The following ZSWIM9 variants were observed in gnomAD, a reference collection of about 807,000 sequenced individuals.
ZSWIM9 encodes zinc finger SWIM-type containing 9.
In ZSWIM9, 11 loss-of-function variants were observed where a neutral mutation model predicts 25.0. The ratio of observed to expected loss-of-function variants is 0.44; its 90% confidence interval spans 0.28 to 0.73. The LOEUF (loss-of-function observed/expected upper bound fraction) is 0.73. ZSWIM9 is among the 30% of genes least tolerant of loss of function. The pLI, the probability that ZSWIM9 is intolerant of heterozygous loss-of-function variation, is 0.16. For synonymous variants in ZSWIM9, 562 were observed against 582.1 expected (o/e 0.97, Z 0.50); for missense variants, 1,070 against 1,296.5 (o/e 0.83, Z 2.68).
Position 48,182,801 on chromosome 19 carries a change from G to A in ZSWIM9, c.588+34G>A, listed in dbSNP as rs576711100. ...TCGAGAGAGGCAGGCCGGGGGAGGG[G>A]GCGGGGGAAAGCCGCGCTGAAGACT... On this transcript the variant is annotated intron_variant, in intron 3 of 3. Transcript: ENST00000614654. The surrounding 1 kb of genome is among the most constrained non-coding windows in gnomAD (Gnocchi z 4.6). 10 of 1,485,008 alleles carry A rather than the reference G, an allele frequency of 6.7e-6. No homozygotes were observed. The East Asian group carries it at 2.5e-4, about 37-fold the overall frequency. 92.0% of individuals were successfully genotyped at this position (1,485,008 alleles called of 1,614,324 possible).
At position 48,195,288 on chromosome 19, in the gene ZSWIM9, C is replaced by T; in HGVS notation, c.1224C>T (p.Gly408=). Residue 408 remains glycine (G), a synonymous_variant, in exon 4 of 4, where the codon GGC becomes GGT. Coordinates refer to ENST00000614654, the MANE Select transcript of ZSWIM9 (RefSeq NM_199341.4). This position sits in a 1 kb window ranked among gnomAD's most constrained non-coding sequence, Gnocchi z 5.8. ...RDLDACALVR[G]HRRRLLRRLS... ...TGGACGCGTGTGCCCTGGTGCGAGG[C>T]CACCGCCGGCGACTGCTGCGTCGTC... 7.2e-6 allele frequency: 11 copies of T among 1,529,750 alleles called. No homozygotes were observed. The highest frequency in any genetic ancestry group is 9.6e-6 in the Non-Finnish European group (11 of 1,144,014). 94.8% of individuals were successfully genotyped at this position (1,529,750 alleles called of 1,614,324 possible).
At chr19:48,180,975 CAG>C (rs1444892746) in intron 2 of ZSWIM9, 5 of 150,726 alleles carry the variant, frequency 3.3e-5, no homozygotes, top group African/African-American at 1.2e-4. Flanking sequence ...TTAGTAGAGA[CAG>C]GGTTTCACCA....
rs1386225007 is a variant in ZSWIM9 at position 48,196,299 on chromosome 19, C to G, written c.2235C>G (p.Ala745=). 7 of 1,233,494 alleles carry G rather than the reference C, an allele frequency of 5.7e-6. No homozygotes were observed. The East Asian group carries it at 2.2e-4, about 39-fold the overall frequency. 76.4% of individuals were successfully genotyped at this position (1,233,494 alleles called of 1,614,324 possible). The part of the protein sequence containing the change: ...GARSVGPKSR[A]GRGMEWGDAG... ...GGTCCGTGGGCCCCAAGAGCCGAGCCGGACGAGGGATGGAGTGGGGAGACG... is the reference window on the plus strand; with the variant it reads ...GGTCCGTGGGCCCCAAGAGCCGAGCGGGACGAGGGATGGAGTGGGGAGACG... Residue 745 remains alanine (A), a synonymous_variant, in exon 4 of 4, where the codon GCC becomes GCG. Coordinates refer to ENST00000614654, the MANE Select transcript of ZSWIM9 (RefSeq NM_199341.4).
intron 2 of ZSWIM9, among the ~76,000 whole-genome samples, chr19:48,175,770 G>C (rs2036886499): frequency 6.6e-6 from 1 of 152,164 alleles, no homozygotes; most frequent in Admixed American, 6.5e-5. Flanking sequence ...AGTCACCACT[G>C]CTGCAGCTTC....
intron 2 of ZSWIM9, 44 bp downstream of exon 2, chr19:48,172,121 ACC>A: frequency 1.8e-6 from 1 of 545,800 alleles, no homozygotes; most frequent in Non-Finnish European, 3.1e-6. Flanking sequence ...GAAGGGGAGC[ACC>A]GGGGGTGGGT....
chr19:48,196,370 C>T lies in ZSWIM9; in HGVS notation c.2306C>T (p.Thr769Ile), dbSNP rs953384219. 5.7e-6 allele frequency: 7 copies of T among 1,232,328 alleles called. No homozygotes were observed. In the Admixed American group the frequency reaches 2.5e-4, roughly 45 times the overall value. The allele number at this position is 1,232,328 out of a possible 1,614,324, so 76.3% of individuals were successfully genotyped here. Residue 769 changes from threonine (T) to isoleucine (I), a missense_variant, in exon 4 of 4, where the codon ACC becomes ATC. By Grantham distance (89) the Thr-to-Ile change is moderately conservative. Around this residue, in one of 4 missense-constraint regions of ZSWIM9, gnomAD observed 583 missense variants for 624.7 expected, o/e 0.93. Coordinates refer to ENST00000614654, the MANE Select transcript of ZSWIM9 (RefSeq NM_199341.4). Reference protein sequence around the residue: ...LGLGNGVVSGTPVGTVLEGSP... With the variant: ...LGLGNGVVSGIPVGTVLEGSP... The stretch of plus-strand genomic sequence containing the variant: ...CTGGGGAATGGAGTCGTGTCTGGCA[C>T]CCCGGTGGGGACTGTATTGGAAGGC...
At chr19:48,172,168 G>C in intron 2 of ZSWIM9, 91 bp downstream of exon 2, 1 of 1,304,162 alleles carries the variant, frequency 7.7e-7, no homozygotes, top group Non-Finnish European at 1.0e-6. Context: ...ACCCCACCCA[G>C]AGATGCAGAG....
At chr19:48,172,419 C>T (rs973561146) in intron 2 of ZSWIM9, among the ~76,000 whole-genome samples, 6 of 151,836 alleles carry the variant, frequency 4.0e-5, no homozygotes, top group Non-Finnish European at 5.9e-5. Flanking sequence ...GTGATTCTCC[C>T]GCCTCAGCCT....
chr19:48,171,396 G>A, intron 1 of ZSWIM9: 1 of 985,234 alleles, frequency 1.0e-6, no homozygotes, highest in Non-Finnish European at 1.2e-6. Context: ...TTACTCTTGG[G>A]TGAGAGACAC....
rs1361203094 is a variant in ZSWIM9, at chr19:48,171,764, T to C, written c.-9-30T>C. 2.0e-6 allele frequency: 3 copies of C among 1,509,438 alleles called. No homozygotes were observed. In the East Asian group the frequency reaches 7.4e-5, roughly 37 times the overall value. 93.5% of individuals were successfully genotyped at this position (1,509,438 alleles called of 1,614,324 possible). ...ATACCCCGGGTGGGAATGGGTCTGA[T>C]ATCCACCTGTTCTCCCCTCCTCCAC... On this transcript the variant is annotated intron_variant, in intron 1 of 3. Coordinates refer to ENST00000614654, the MANE Select transcript of ZSWIM9 (RefSeq NM_199341.4).
chr19:48,196,481 CAA>C lies in ZSWIM9; in HGVS notation c.2419_2420del (p.Lys807GlufsTer33). 2 of 1,232,506 alleles carry C rather than the reference CAA, an allele frequency of 1.6e-6. No individual in the cohort carries two copies. The highest frequency in any genetic ancestry group is 2.0e-6 in the Non-Finnish European group (2 of 988,376). The allele number at this position is 1,232,506 out of a possible 1,614,324, so 76.3% of individuals were successfully genotyped here. A position where few individuals can be genotyped will look rare whatever the true frequency, so the allele number is the denominator to read the frequency against. ...GGAGGCGAAGATGGCCCCAGGGAAC[CAA>C]AGAGGCTTTGCCGACCCCCGGGAGA... On this transcript the variant is annotated frameshift_variant, in exon 4 of 4. Transcript: ENST00000614654. LOFTEE classifies it high-confidence loss of function.
chr19:48,190,117 C>G (rs2037076646), intron 3 of ZSWIM9, among the ~76,000 whole-genome samples: 1 of 151,384 alleles, frequency 6.6e-6, no homozygotes, highest in South Asian at 2.1e-4. Context: ...GCAGAAGAAT[C>G]ACTTAAACCT....
At position 48,195,240 on chromosome 19, in the gene ZSWIM9, C is replaced by G. The variant is rs966650864; in HGVS notation, c.1176C>G (p.Arg392=). ...EPRRDMWVRF[R]AFEAARDLDA... ...GCCGCGACATGTGGGTCCGCTTCCG[C>G]GCCTTCGAGGCGGCCAGAGACCTGG... The change falls in exon 4 of 4, where the codon CGC becomes CGG. Residue 392 remains arginine (R), a synonymous_variant. Coordinates refer to ENST00000614654, the MANE Select transcript of ZSWIM9 (RefSeq NM_199341.4). The surrounding 1 kb of genome is among the most constrained non-coding windows in gnomAD (Gnocchi z 5.8). 27 of 1,529,082 alleles carry G rather than the reference C, an allele frequency of 1.8e-5. No homozygotes were observed. The highest frequency in any genetic ancestry group is 4.1e-5 in the African/African-American group (3 of 72,496). 94.7% of individuals were successfully genotyped at this position (1,529,082 alleles called of 1,614,324 possible).
chr19:48,196,274 G>A lies in ZSWIM9; in HGVS notation c.2210G>A (p.Arg737Gln). ...GMENGDGGGA[R>Q]SVGPKSRAGR... ...GAGAATGGAGATGGAGGGGGAGCCC[G>A]GTCCGTGGGCCCCAAGAGCCGAGCC... Residue 737 changes from arginine to glutamine, a missense_variant, in exon 4 of 4, where the codon CGG (arginine) becomes CAG (glutamine). Coordinates refer to ENST00000614654, the MANE Select transcript of ZSWIM9 (RefSeq NM_199341.4). 8.1e-6 allele frequency: 10 copies of A among 1,233,538 alleles called. No individual in the cohort carries two copies. Among genetic ancestry groups the A allele is most frequent in the Non-Finnish European group, 1.0e-5 (10 of 989,020 alleles). The allele number at this position is 1,233,538 out of a possible 1,614,324, so 76.4% of individuals were successfully genotyped here. A position where few individuals can be genotyped will look rare whatever the true frequency, so the allele number is the denominator to read the frequency against.
At chr19:48,187,258 C>T (rs909832140) in intron 3 of ZSWIM9, among the ~76,000 whole-genome samples, 2 of 144,680 alleles carry the variant, frequency 1.4e-5, no homozygotes, top group Non-Finnish European at 1.5e-5. Flanking sequence ...GAGAGTGAAA[C>T]TAGAGAGGTG....
Position 48,195,571 on chromosome 19 carries a change from AGAGACTGGG to A in ZSWIM9, c.1509_1517del (p.Arg503_Gly506delinsSer), listed in dbSNP as rs1360236879. 7.1e-7 allele frequency: 1 copy of A among 1,415,254 alleles called. No individual in the cohort carries two copies. Among genetic ancestry groups the A allele is most frequent in the African/African-American group, 1.5e-5 (1 of 67,086 alleles). The allele number at this position is 1,415,254 out of a possible 1,614,324, so 87.7% of individuals were successfully genotyped here. On this transcript the variant is annotated inframe_deletion, in exon 4 of 4. Transcript: ENST00000614654. This position sits in a 1 kb window ranked among gnomAD's most constrained non-coding sequence, Gnocchi z 5.8. The stretch of plus-strand genomic sequence containing the variant: ...GGAGTGGGCAAGGGCACTGGAAACC[AGAGACTGGG>A]GCGGGGCTCAGTTCGAAGGTGAGAA...
At chr19:48,187,153 T>C (rs1002400896) in intron 3 of ZSWIM9, among the ~76,000 whole-genome samples, 4 of 150,250 alleles carry the variant, frequency 2.7e-5, no homozygotes, top group African/African-American at 9.8e-5. Context: ...GTCCAGCTGC[T>C]TTCCAGTTTC....
At position 48,194,812 on chromosome 19, in the gene ZSWIM9, G is replaced by A; in HGVS notation, c.748G>A (p.Asp250Asn). 2.0e-6 allele frequency: 3 copies of A among 1,510,494 alleles called. No individual in the cohort carries two copies. The highest frequency in any genetic ancestry group is 2.6e-6 in the Non-Finnish European group (3 of 1,135,834). 93.6% of individuals were successfully genotyped at this position (1,510,494 alleles called of 1,614,324 possible). The part of the protein sequence containing the change: ...ALDLLAVLCV[D>N]GSGRARQAAC... ...GGATCTGCTGGCCGTGCTGTGCGTGGACGGCTCGGGCCGTGCGCGCCAGGC... is the reference window on the plus strand; with the variant it reads ...GGATCTGCTGGCCGTGCTGTGCGTGAACGGCTCGGGCCGTGCGCGCCAGGC... Residue 250 changes from aspartate (D) to asparagine (N), a missense_variant, in exon 4 of 4, where the codon GAC (aspartate) becomes AAC (asparagine). Around this residue, in one of 4 missense-constraint regions of ZSWIM9, gnomAD observed 38 missense variants for 89.7 expected, o/e 0.42. Coordinates refer to ENST00000614654, the MANE Select transcript of ZSWIM9 (RefSeq NM_199341.4). This position sits in a 1 kb window ranked among gnomAD's most constrained non-coding sequence, Gnocchi z 6.0.
At chr19:48,171,696 G>T (rs1000048604) in intron 1 of ZSWIM9, 98 bp from the exon 2 acceptor site, 2 of 1,208,692 alleles carry the variant, frequency 1.7e-6, no homozygotes, top group Non-Finnish European at 2.2e-6. Flanking sequence ...CTCGATAGAG[G>T]CACCAGCAAC....
Sources: allele counts gnomAD v4.1 joint callset (sites outside exome capture counted in the v4.1 genomes callset), GRCh38; gene constraint gnomAD v4.1.1; regional missense constraint gnomAD v4.1.1; non-coding constraint Gnocchi (gnomAD v3.1); transcripts MANE v1.5; gene names NCBI Gene and HGNC (gene_info 2026-07-23, HGNC 2026-07-21).